PIP4P2: variants seen among roughly 807,000 people sequenced by gnomAD.
PIP4P2 encodes phosphatidylinositol-4,5-bisphosphate 4-phosphatase 2.
Under a neutral mutation model 33.3 loss-of-function variants are expected in PIP4P2, and 19 were observed. That is an observed-to-expected ratio of 0.57 (90% CI 0.40 to 0.84). The LOEUF (loss-of-function observed/expected upper bound fraction) is 0.84, where lower values mean the gene tolerates loss of function less well. PIP4P2 is among the 40% of genes least tolerant of loss of function. The probability of loss-of-function intolerance (pLI) is 0.00; values close to 1 mark genes in which losing one functional copy is unlikely to be tolerated. For synonymous variants in PIP4P2, 110 were observed against 111.9 expected (o/e 0.98, Z 0.11); for missense variants, 270 against 324.7 (o/e 0.83, Z 1.29).
In PIP4P2 at chr8:91,040,721, G is replaced by T; in HGVS notation, c.29C>A (p.Ser10Ter). ...GGAGTGGGATGCTGACAGCAGAGGCGAGCGTTCGTCCACCCCATCAGCAGC... is the reference window on the plus strand; with the variant it reads ...GGAGTGGGATGCTGACAGCAGAGGCTAGCGTTCGTCCACCCCATCAGCAGC... Reference protein sequence around the residue: MAADGVDERSPLLSASHSGN... With the variant: MAADGVDER The change falls in exon 1 of 7, where the codon TCG (serine) becomes TAG (stop). Residue 10 changes from serine to a stop codon, truncating the protein, a stop_gained. Transcript: ENST00000285419. LOFTEE classifies it high-confidence loss of function. The T allele has an allele frequency of 6.2e-7, 1 of 1,612,776 alleles. No individual in the cohort carries two copies. Among genetic ancestry groups the T allele is most frequent in the South Asian group, 1.1e-5 (1 of 91,014 alleles).
At chr8:91,025,041 A>G (rs1287051381) in intron 1 of PIP4P2, among the ~76,000 whole-genome samples, 1 of 152,164 alleles carries the variant, frequency 6.6e-6, no homozygotes, top group African/African-American at 2.4e-5. Context: ...TGTCTCCTTT[A>G]ATAAATAATG....
chr8:91,003,600 T>C (rs1318404487), intron 5 of PIP4P2, among the ~76,000 whole-genome samples: 3 of 152,098 alleles, frequency 2.0e-5, no homozygotes, highest in Non-Finnish European at 4.4e-5. Flanking sequence ...CTGGGTCAGG[T>C]TGTGCTTGAA....
rs762199631 is a variant in PIP4P2, at chr8:90,994,625, C to G, written c.*1052G>C. 2.0e-5 allele frequency: 3 copies of G among 152,456 alleles called. No individual in the cohort carries two copies. Among genetic ancestry groups the G allele is most frequent in the Non-Finnish European group, 4.4e-5 (3 of 67,908 alleles). 9.4% of individuals were successfully genotyped at this position (152,456 alleles called of 1,614,324 possible). On this transcript the variant is annotated 3_prime_UTR_variant, in exon 7 of 7. Transcript: ENST00000285419. ...TAGAAAATTATGTTGTTCTTTATTTCTGATCTATTTTCTTGAATAATTTGG... is the reference window on the plus strand; with the variant it reads ...TAGAAAATTATGTTGTTCTTTATTTGTGATCTATTTTCTTGAATAATTTGG...
chr8:91,001,702 GT>G (rs760431920), intron 5 of PIP4P2, among the ~76,000 whole-genome samples: 1 of 151,900 alleles, frequency 6.6e-6, no homozygotes, highest in Non-Finnish European at 1.5e-5. Context: ...TAAATCTGAA[GT>G]TTTTAGAGGT....
At chr8:91,031,057 T>C (rs1812156603) in intron 1 of PIP4P2, among the ~76,000 whole-genome samples, 1 of 152,218 alleles carries the variant, frequency 6.6e-6, no homozygotes, top group South Asian at 2.1e-4. Flanking sequence ...AAAGACCACA[T>C]GGCTTCCACT....
intron 4 of PIP4P2, among the ~76,000 whole-genome samples, chr8:91,013,315 C>T (rs890190154): frequency 1.3e-5 from 2 of 151,964 alleles, no homozygotes; most frequent in Non-Finnish European, 1.5e-5. Context: ...GAAGATAAAA[C>T]GTAACAAGAA....
chr8:91,011,547 T>C (rs901374037), intron 4 of PIP4P2, among the ~76,000 whole-genome samples: 4 of 152,072 alleles, frequency 2.6e-5, no homozygotes, highest in South Asian at 2.1e-4. Flanking sequence ...CTCTTAAATA[T>C]ATACAATGGT....
intron 1 of PIP4P2, among the ~76,000 whole-genome samples, chr8:91,040,415 CCATCACCACCACCACCACCACCACCAT>C (rs1563571511): frequency 2.1e-5 from 1 of 48,228 alleles, no homozygotes; most frequent in Non-Finnish European, 8.7e-5. Context: ...ACCACCACCA[CCATCACCACCACCACCACCACCACCAT>C]CACCACCACC....
chr8:91,016,470 G>T (rs1811915879), intron 4 of PIP4P2: 2 of 152,122 alleles, frequency 1.3e-5, no homozygotes, highest in Admixed American at 6.6e-5. Flanking sequence ...AAAGGATCAG[G>T]TATCACAATA....
intron 2 of PIP4P2, among the ~76,000 whole-genome samples, chr8:91,020,701 G>A (rs1034360165): frequency 2.9e-4 from 44 of 152,246 alleles, no homozygotes; most frequent in African/African-American, 1.1e-3. Context: ...AAGGAAAGGT[G>A]TTATTCAATA....
rs1232050216 is a variant in PIP4P2 at position 91,008,766 on chromosome 8, T to C, written c.516A>G (p.Ala172=). The change falls in exon 5 of 7, where the codon GCA becomes GCG. Residue 172 remains alanine (A), a synonymous_variant. Transcript: ENST00000285419. ...LWMELRFNTL[A]KCPHCKKISS... The stretch of plus-strand genomic sequence containing the variant: ...ACATTTTTTTGCAGTGTGGGCATTT[T>C]GCCAGAGTGTTGAACCTCAGTTCCA... The C allele has an allele frequency of 1.9e-6, 3 of 1,609,956 alleles. No homozygotes were observed.
intron 4 of PIP4P2, 50 bp downstream of exon 4, chr8:91,018,340 A>C: frequency 6.2e-7 from 1 of 1,612,562 alleles, no homozygotes; most frequent in South Asian, 1.1e-5. Context: ...TCTAATCTGT[A>C]AGATCATGAC....
chr8:91,012,958 A>T (rs1258874046), intron 4 of PIP4P2, among the ~76,000 whole-genome samples: 2 of 152,156 alleles, frequency 1.3e-5, no homozygotes, highest in African/African-American at 4.8e-5. Context: ...CCTTTATAAC[A>T]ACTGTCTTTT....
chr8:91,037,528 T>C (rs1563570738), intron 1 of PIP4P2, among the ~76,000 whole-genome samples: 1 of 152,200 alleles, frequency 6.6e-6, no homozygotes, highest in African/African-American at 2.4e-5. Context: ...TTCATCACCA[T>C]TGCATTTTGC....
At chr8:91,032,781 A>AC (rs1491367285) in intron 1 of PIP4P2, among the ~76,000 whole-genome samples, 2 of 35,780 alleles carry the variant, frequency 5.6e-5, no homozygotes, top group East Asian at 9.6e-4. Context: ...AGTCTGTCTC[A>AC]AAAAAAAAAA....
At chr8:91,002,157 G>A (rs1811707319) in intron 5 of PIP4P2, among the ~76,000 whole-genome samples, 1 of 152,070 alleles carries the variant, frequency 6.6e-6, no homozygotes, top group Non-Finnish European at 1.5e-5. Flanking sequence ...TTCCAAGGCT[G>A]TAGATCCCTA....
intron 5 of PIP4P2, among the ~76,000 whole-genome samples, chr8:91,008,342 A>T (rs1811789014): frequency 6.6e-6 from 1 of 152,204 alleles, no homozygotes; most frequent in African/African-American, 2.4e-5. Flanking sequence ...TAATCTTATT[A>T]GGCAGGAGAT....
At chr8:91,013,180 T>C (rs1811863014) in intron 4 of PIP4P2, among the ~76,000 whole-genome samples, 1 of 152,190 alleles carries the variant, frequency 6.6e-6, no homozygotes, top group African/African-American at 2.4e-5. Flanking sequence ...CTGTGCTTCC[T>C]GTTCACCACT....
At position 91,040,832 on chromosome 8, in the gene PIP4P2, T is replaced by C. The variant is rs991024897; in HGVS notation, c.-83A>G. ...TGGTGGCTACTGCTGCTGCCTCTGC[T>C]GCCGCTGCTGCCGCTGCAGCTGCTG... On this transcript the variant is annotated 5_prime_UTR_variant, in exon 1 of 7. Transcript: ENST00000285419. 4 of 1,084,026 alleles carry C rather than the reference T, an allele frequency of 3.7e-6. No individual in the cohort carries two copies. The African/African-American group carries it at 4.8e-5, about 13-fold the overall frequency. The allele number at this position is 1,084,026 out of a possible 1,614,324, so 67.2% of individuals were successfully genotyped here.
Sources: gnomAD v4.1 joint callset for allele counts (sites outside exome capture counted in the v4.1 genomes callset) on GRCh38, gnomAD v4.1.1 for gene constraint, MANE v1.5 for transcripts, NCBI Gene and HGNC (gene_info 2026-07-23, HGNC 2026-07-21) for gene names.